SETD2: variants seen among roughly 807,000 people sequenced by gnomAD.
The protein encoded by SETD2 is histone-lysine N-methyltransferase SETD2.
In SETD2, 31 loss-of-function variants were observed where a neutral mutation model predicts 242.1. The observed-to-expected ratio is 0.13, with a 90% CI of 0.10 to 0.17. SETD2 has a LOEUF of 0.17. SETD2 is among the 10% of genes least tolerant of loss of function. SETD2 has a pLI of 1.00. For missense variants in SETD2, 2,481 were observed against 3,046.3 expected, an observed-to-expected ratio of 0.81 and a Z score of 4.37; for synonymous variants, 1,006 against 1,066.5, an observed-to-expected ratio of 0.94 and a Z score of 1.11.
chr3:47,017,835 A>T lies in SETD2; in HGVS notation c.7432-96T>A. The T allele has an allele frequency of 1.2e-6, 1 of 824,454 alleles. No individual in the cohort carries two copies. Among genetic ancestry groups the T allele is most frequent in the Non-Finnish European group, 2.1e-6 (1 of 475,280 alleles). The allele number at this position is 824,454 out of a possible 1,614,324, so 51.1% of individuals were successfully genotyped here. ...ACTAGAAAAGGTAGTGAGTAAAGCC[A>T]GCCAATCCTTCTCCTTTTCCTCCCT... On this transcript the variant is annotated intron_variant, in intron 19 of 20. Coordinates refer to ENST00000409792, the MANE Select transcript of SETD2 (RefSeq NM_014159.7). The surrounding 1 kb of genome is among the most constrained non-coding windows in gnomAD (Gnocchi z 4.8).
intron 4 of SETD2, among the ~76,000 whole-genome samples, chr3:47,114,896 AAAG>A: frequency 6.6e-6 from 1 of 151,194 alleles, no homozygotes; most frequent in Non-Finnish European, 1.5e-5. Flanking sequence ...AAAAAAAAAA[AAAG>A]ACCACTGGAA....
intron 1 of SETD2, among the ~76,000 whole-genome samples, chr3:47,161,337 A>C (rs181738914): frequency 1.1e-4 from 16 of 152,286 alleles, no homozygotes; most frequent in African/African-American, 2.6e-4. Context: ...AGAGAGATGA[A>C]GTCATCGTCC....
intron 1 of SETD2, among the ~76,000 whole-genome samples, chr3:47,148,040 A>G (rs1170363482): frequency 2.0e-5 from 3 of 152,154 alleles, no homozygotes; most frequent in Non-Finnish European, 4.4e-5. Context: ...TGGTGGGCTA[A>G]AAATATATTT....
At chr3:47,044,996 T>C (rs1322835464) in intron 16 of SETD2, among the ~76,000 whole-genome samples, 1 of 152,212 alleles carries the variant, frequency 6.6e-6, no homozygotes, top group Non-Finnish European at 1.5e-5. Context: ...CCAGAATCCA[T>C]AAAATTCTGA....
At chr3:47,070,743 A>G (rs2040784458) in intron 12 of SETD2, among the ~76,000 whole-genome samples, 1 of 152,226 alleles carries the variant, frequency 6.6e-6, no homozygotes, top group African/African-American at 2.4e-5. Context: ...AGAGACTGGC[A>G]TACTATAACA....
rs566648321 is a variant in SETD2 at position 47,148,930 on chromosome 3, T to C, written c.71+14924A>G. On this transcript the variant is annotated intron_variant, in intron 1 of 20. Coordinates refer to ENST00000409792, the MANE Select transcript of SETD2 (RefSeq NM_014159.7). ...AAGATTTCAGACTACTTAAGGCACC[T>C]GGACAGAAAAACGGGCAGATCTGAA... 3.9e-5 allele frequency among the ~76,000 whole-genome samples: 6 copies of C among 152,298 alleles called. No homozygotes were observed. In the South Asian group the frequency reaches 8.3e-4, roughly 21 times the overall value.
intron 9 of SETD2, among the ~76,000 whole-genome samples, chr3:47,091,623 C>A (rs975531123): frequency 6.6e-6 from 1 of 152,124 alleles, no homozygotes; most frequent in African/African-American, 2.4e-5. Context: ...ATTAGCCGGG[C>A]ATGATGGCAG....
rs6771992 is a variant in SETD2, at chr3:47,086,571, T to A, written c.5278-257A>T. On this transcript the variant is annotated intron_variant, in intron 10 of 20. Coordinates refer to ENST00000409792, the MANE Select transcript of SETD2 (RefSeq NM_014159.7). Reference sequence around the variant, plus strand: ...TTACTAACGTAGAAAATTATATGAATATTAATAGGTCATTTATAATGAAAA... The same window carrying A: ...TTACTAACGTAGAAAATTATATGAAAATTAATAGGTCATTTATAATGAAAA... Among the ~76,000 whole-genome samples the A allele has an allele frequency of 9.0e-3, 1,364 of 152,268 alleles. 19 individuals carry two copies. The highest frequency in any genetic ancestry group is 0.031 in the African/African-American group (1,293 of 41,546).
Position 47,091,911 on chromosome 3 carries a change from C to T in SETD2, c.5143-3664G>A, listed in dbSNP as rs80332461. ...AATGAGCTAAGATCATGCCACAGCA[C>T]TCCAGCCTGGGTGACAGAGCAAAAT... On this transcript the variant is annotated intron_variant, in intron 9 of 20. Coordinates refer to ENST00000409792, the MANE Select transcript of SETD2 (RefSeq NM_014159.7). 1.7e-3 allele frequency among the ~76,000 whole-genome samples: 255 copies of T among 152,172 alleles called. 2 individuals carry two copies. Among genetic ancestry groups the T allele is most frequent in the African/African-American group, 5.9e-3 (244 of 41,512 alleles).
intron 1 of SETD2, chr3:47,138,263 C>T (rs1238870425): frequency 2.4e-5 from 7 of 290,638 alleles, no homozygotes; most frequent in East Asian, 2.6e-4. Flanking sequence ...TGAGCCACCG[C>T]GCCCGGCCCA....
intron 1 of SETD2, among the ~76,000 whole-genome samples, chr3:47,155,180 T>A (rs1006528400): frequency 5.9e-5 from 9 of 151,898 alleles, no homozygotes; most frequent in Non-Finnish European, 1.3e-4. Flanking sequence ...AAAAAAGACA[T>A]CTTTGGGACA....
intron 15 of SETD2, among the ~76,000 whole-genome samples, chr3:47,051,181 A>G (rs1025055090): frequency 1.3e-5 from 2 of 151,510 alleles, no homozygotes; most frequent in African/African-American, 4.9e-5. Flanking sequence ...CAAGGCTCAC[A>G]GCAGCCTTGA....
chr3:47,146,393 C>T (rs1380111897), intron 1 of SETD2, among the ~76,000 whole-genome samples: 3 of 151,988 alleles, frequency 2.0e-5, no homozygotes, highest in Non-Finnish European at 2.9e-5. Context: ...TTTGGGAGGC[C>T]GAGGCAGGCG....
intron 12 of SETD2, among the ~76,000 whole-genome samples, chr3:47,067,962 C>T (rs1468917454): frequency 1.3e-5 from 2 of 152,184 alleles, no homozygotes; most frequent in African/African-American, 2.4e-5. Context: ...CTCTTGATCA[C>T]TGTACCAAAA....
chr3:47,019,746 C>G lies in SETD2; in HGVS notation c.7431+14G>C. On this transcript the variant is annotated intron_variant, in intron 19 of 20. Coordinates refer to ENST00000409792, the MANE Select transcript of SETD2 (RefSeq NM_014159.7). ...AGCCTGAGGAGCTTAGTGCTTATAT[C>G]CACCAAACCTTACCTCTTTTCTGAA... 2 of 1,608,202 alleles carry G rather than the reference C, an allele frequency of 1.2e-6. No individual in the cohort carries two copies. The highest frequency in any genetic ancestry group is 1.7e-6 in the Non-Finnish European group (2 of 1,174,660).
chr3:47,162,677 A>G (rs1181998453), intron 1 of SETD2, among the ~76,000 whole-genome samples: 1 of 152,238 alleles, frequency 6.6e-6, no homozygotes, highest in African/African-American at 2.4e-5. Flanking sequence ...GTGTCAAAAC[A>G]GCAAAGCTCT....
chr3:47,099,946 A>G (rs182875369), intron 8 of SETD2, among the ~76,000 whole-genome samples: 71 of 150,660 alleles, frequency 4.7e-4, no homozygotes, highest in Non-Finnish European at 4.4e-5. Context: ...GTTGACTAAT[A>G]TACCTTTTTT....
intron 9 of SETD2, among the ~76,000 whole-genome samples, chr3:47,090,343 G>C (rs2041746727): frequency 6.6e-6 from 1 of 152,048 alleles, no homozygotes. Flanking sequence ...AACCTGAACA[G>C]AATCCTGAAC....
intron 1 of SETD2, among the ~76,000 whole-genome samples, chr3:47,156,662 G>T (rs1414521933): frequency 6.6e-6 from 1 of 152,104 alleles, no homozygotes; most frequent in Non-Finnish European, 1.5e-5. Context: ...GTAGCCCAAA[G>T]AAGGTAACCT....
Sources: allele counts gnomAD v4.1 joint callset (sites outside exome capture counted in the v4.1 genomes callset), GRCh38; gene constraint gnomAD v4.1.1; non-coding constraint Gnocchi (gnomAD v3.1); transcripts MANE v1.5; gene names NCBI Gene and HGNC (gene_info 2026-07-23, HGNC 2026-07-21).